KCNIP1: variants seen among roughly 807,000 people sequenced by gnomAD.
The protein encoded by KCNIP1 is potassium voltage-gated channel interacting protein 1, also known as A-type potassium channel modulatory protein KCNIP1.
KCNIP1 carries 18 observed loss-of-function variants against 33.0 expected under a neutral mutation model. The observed-to-expected ratio is 0.55, with a 90% confidence interval of 0.38 to 0.81. KCNIP1 has a LOEUF of 0.81. KCNIP1 is among the 30% of genes least tolerant of loss of function. The pLI is 0.00. For missense variants in KCNIP1, 238 were observed against 271.6 expected, an observed-to-expected ratio of 0.88 and a Z score of 0.87; for synonymous variants, 93 against 98.3, an observed-to-expected ratio of 0.95 and a Z score of 0.32.
intron 1 of KCNIP1, among the ~76,000 whole-genome samples, chr5:170,532,328 T>C (rs1751673424): frequency 6.6e-6 from 1 of 152,202 alleles, no homozygotes; most frequent in Non-Finnish European, 1.5e-5. Flanking sequence ...CCCTACTCTC[T>C]GGGGTTGCAT....
At chr5:170,589,778 G>A (rs62394312) in intron 1 of KCNIP1, among the ~76,000 whole-genome samples, 47,657 of 106,410 alleles carry the variant, frequency 0.45, 9,042 homozygotes, top group Non-Finnish European at 0.48. Context: ...GTGTGGTGTG[G>A]TGTGATGTGA....
At chr5:170,536,158 G>A (rs1185875746) in intron 1 of KCNIP1, among the ~76,000 whole-genome samples, 6 of 152,238 alleles carry the variant, frequency 3.9e-5, no homozygotes, top group Non-Finnish European at 7.3e-5. Context: ...CCAGAGAGCA[G>A]CAGTGCCTTG....
chr5:170,552,479 G>C (rs1756684296), intron 1 of KCNIP1, among the ~76,000 whole-genome samples: 1 of 152,170 alleles, frequency 6.6e-6, no homozygotes, highest in Non-Finnish European at 1.5e-5. Context: ...GGAGTGTGGA[G>C]GAGTGAGGGG....
chr5:170,708,641 C>T (rs1581528070), intron 1 of KCNIP1, among the ~76,000 whole-genome samples: 1 of 152,298 alleles, frequency 6.6e-6, no homozygotes, highest in African/African-American at 2.4e-5. Flanking sequence ...TGGTGGCTCC[C>T]ACCTATAATC....
chr5:170,398,598 A>AT (rs1386921106), intron 1 of KCNIP1, among the ~76,000 whole-genome samples: 1 of 152,222 alleles, frequency 6.6e-6, no homozygotes, highest in Non-Finnish European at 1.5e-5. Flanking sequence ...GAAGTGAAAT[A>AT]TTTTATTTGT....
intron 1 of KCNIP1, among the ~76,000 whole-genome samples, chr5:170,710,951 A>C (rs1763423723): frequency 6.6e-6 from 1 of 152,222 alleles, no homozygotes; most frequent in South Asian, 2.1e-4. Context: ...ATGATTTGCC[A>C]ATGAAAAATT....
intron 1 of KCNIP1, among the ~76,000 whole-genome samples, chr5:170,461,926 A>T (rs562269064): frequency 2.0e-5 from 3 of 152,292 alleles, no homozygotes; most frequent in South Asian, 2.1e-4. Flanking sequence ...GGAGAATGAA[A>T]CTGGATCCTC....
intron 1 of KCNIP1, among the ~76,000 whole-genome samples, chr5:170,417,118 G>A (rs899429141): frequency 2.0e-5 from 3 of 152,168 alleles, no homozygotes; most frequent in Non-Finnish European, 2.9e-5. Context: ...TAAATAAACT[G>A]TGATGCCTCC....
At chr5:170,590,779 T>A (rs1758219338) in intron 1 of KCNIP1, among the ~76,000 whole-genome samples, 1 of 152,238 alleles carries the variant, frequency 6.6e-6, no homozygotes, top group African/African-American at 2.4e-5. Context: ...CATGACAGTT[T>A]ACTTCTCGTT....
intron 1 of KCNIP1, among the ~76,000 whole-genome samples, chr5:170,405,330 GAC>G (rs1182742489): frequency 1.3e-5 from 2 of 152,080 alleles, no homozygotes; most frequent in Admixed American, 1.3e-4. Flanking sequence ...AAGTAGCTGG[GAC>G]TGCAGGCACC....
chr5:170,534,026 T>C (rs986448821), intron 1 of KCNIP1, among the ~76,000 whole-genome samples: 5 of 152,166 alleles, frequency 3.3e-5, no homozygotes, highest in Admixed American at 6.5e-5. Flanking sequence ...TCTGTCCCCA[T>C]AGAGGTGATA....
chr5:170,561,761 C>T (rs115348553), intron 1 of KCNIP1, among the ~76,000 whole-genome samples: 60 of 152,304 alleles, frequency 3.9e-4, no homozygotes, highest in African/African-American at 1.4e-3. Context: ...GTTGAGTTCC[C>T]ACTGCGTGGT....
chr5:170,443,837 C>T (rs1002036567), intron 1 of KCNIP1, among the ~76,000 whole-genome samples: 2 of 152,286 alleles, frequency 1.3e-5, no homozygotes, highest in Admixed American at 6.5e-5. Flanking sequence ...TGCCCACAGG[C>T]ATGTGCCCCT....
intron 1 of KCNIP1, chr5:170,669,787 A>G (rs1761847208): frequency 2.7e-6 from 1 of 372,386 alleles, no homozygotes; most frequent in South Asian, 1.1e-4. Flanking sequence ...GTGAAAAACA[A>G]CATCTGAGCT....
chr5:170,629,367 T>C (rs959035335), intron 1 of KCNIP1, among the ~76,000 whole-genome samples: 2 of 152,146 alleles, frequency 1.3e-5, no homozygotes, highest in Non-Finnish European at 2.9e-5. Context: ...AGACAGCAAC[T>C]CAGCAGGCCA....
chr5:170,489,286 A>C lies in KCNIP1; in HGVS notation c.88+135322A>C, dbSNP rs1007595553. Among the ~76,000 whole-genome samples the C allele has an allele frequency of 1.3e-5, 2 of 152,254 alleles. No individual in the cohort carries two copies. The highest frequency in any genetic ancestry group is 2.9e-5 in the Non-Finnish European group (2 of 68,040). ...CAGACAGAAATTTCCCTTGAGAAGG[A>C]GAAAGCCATGCTATAGGCAATCAAG... is the stretch of plus-strand genomic sequence containing the variant. On this transcript the variant is annotated intron_variant, in intron 1 of 7. Coordinates refer to the KCNIP1 transcript ENST00000377360. This position sits in a 1 kb window ranked among gnomAD's most constrained non-coding sequence, Gnocchi z 4.3.
chr5:170,598,904 C>CGT (rs70979192), intron 1 of KCNIP1, among the ~76,000 whole-genome samples: 2,203 of 133,840 alleles, frequency 0.016, 52 homozygotes, highest in African/African-American at 0.048. Flanking sequence ...TGTGTGTGCG[C>CGT]GTGTGTGTGT....
chr5:170,470,258 C>T (rs558302974), intron 1 of KCNIP1, among the ~76,000 whole-genome samples: 86 of 152,248 alleles, frequency 5.6e-4, no homozygotes, highest in African/African-American at 1.9e-3. Flanking sequence ...GCCCAGGAAA[C>T]CTTTCCTGAG....
intron 1 of KCNIP1, among the ~76,000 whole-genome samples, chr5:170,689,174 T>A (rs1762638002): frequency 6.6e-6 from 1 of 152,170 alleles, no homozygotes; most frequent in African/African-American, 2.4e-5. Context: ...GGAGACATTC[T>A]TTCATTCATT....
Sources: gnomAD v4.1 joint callset for allele counts (sites outside exome capture counted in the v4.1 genomes callset) on GRCh38, gnomAD v4.1.1 for gene constraint, Gnocchi (gnomAD v3.1) non-coding constraint, MANE v1.5 for transcripts, NCBI Gene and HGNC (gene_info 2026-07-23, HGNC 2026-07-21) for gene names.